Variants in LRRC4C observed in about 807,000 individuals in gnomAD.
LRRC4C encodes leucine rich repeat containing 4C.
LRRC4C carries 5 observed loss-of-function variants against 33.6 expected under a neutral mutation model. The ratio of observed to expected loss-of-function variants is 0.15; its 90% CI spans 0.08 to 0.31. The LOEUF is 0.31. LRRC4C is among the 10% of genes least tolerant of loss of function. LRRC4C has a pLI of 1.00. For missense variants in LRRC4C, 560 were observed against 796.7 expected, an observed-to-expected ratio of 0.70 and a Z score of 3.58; for synonymous variants, 329 against 302.0, an observed-to-expected ratio of 1.09 and a Z score of -0.93.
chr11:40,563,486 G>A (rs1957634681), intron 3 of LRRC4C, among the ~76,000 whole-genome samples: 1 of 152,118 alleles, frequency 6.6e-6, no homozygotes, highest in African/African-American at 2.4e-5. Context: ...CTAGGCAGAG[G>A]GATAATGAGA....
intron 3 of LRRC4C, among the ~76,000 whole-genome samples, chr11:40,563,466 C>T (rs183825165): frequency 9.9e-5 from 15 of 152,188 alleles, no homozygotes; most frequent in Admixed American, 9.2e-4. Context: ...ATGATTAAAT[C>T]GTATTGACAC....
chr11:40,981,086 T>G (rs980538693), intron 1 of LRRC4C, among the ~76,000 whole-genome samples: 2 of 152,144 alleles, frequency 1.3e-5, no homozygotes, highest in Non-Finnish European at 2.9e-5. Context: ...GTATGGGGGC[T>G]GGGATTCAAA....
chr11:40,736,134 G>A (rs1220656949), intron 2 of LRRC4C, among the ~76,000 whole-genome samples: 1 of 151,946 alleles, frequency 6.6e-6, no homozygotes, highest in Non-Finnish European at 1.5e-5. Context: ...ATTTACATTA[G>A]GTATTTCTCC....
At chr11:40,782,752 T>G (rs1227317569) in intron 2 of LRRC4C, among the ~76,000 whole-genome samples, 2 of 152,202 alleles carry the variant, frequency 1.3e-5, no homozygotes, top group East Asian at 3.8e-4. Context: ...CATGAGATAT[T>G]ACTCAAAATA....
intron 1 of LRRC4C, among the ~76,000 whole-genome samples, chr11:40,990,830 C>A (rs191345189): frequency 3.6e-4 from 54 of 151,986 alleles, no homozygotes; most frequent in African/African-American, 1.3e-3. Flanking sequence ...TAAAGTTTGA[C>A]CTTTGAATAT....
intron 1 of LRRC4C, among the ~76,000 whole-genome samples, chr11:41,369,747 T>C (rs909048159): frequency 1.3e-5 from 2 of 150,594 alleles, no homozygotes; most frequent in African/African-American, 2.5e-5. Flanking sequence ...ATAAGGAACT[T>C]AGATTTCATT....
intron 3 of LRRC4C, among the ~76,000 whole-genome samples, chr11:40,485,157 C>T (rs1028853333): frequency 6.6e-6 from 1 of 151,878 alleles, no homozygotes; most frequent in Non-Finnish European, 1.5e-5. Flanking sequence ...CTTAAAGAAG[C>T]ATTTACTGGC....
chr11:40,879,014 C>T (rs1236545048), intron 2 of LRRC4C, among the ~76,000 whole-genome samples: 1 of 152,100 alleles, frequency 6.6e-6, no homozygotes, highest in Non-Finnish European at 1.5e-5. Flanking sequence ...AGTGCCACGA[C>T]TATAAGTAAT....
At chr11:41,370,382 A>G (rs574393929) in intron 1 of LRRC4C, among the ~76,000 whole-genome samples, 20 of 152,178 alleles carry the variant, frequency 1.3e-4, no homozygotes, top group African/African-American at 4.6e-4. Context: ...CCCAAACCTC[A>G]TCTTGAATTG....
intron 3 of LRRC4C, among the ~76,000 whole-genome samples, chr11:40,584,272 C>G (rs1958610754): frequency 1.4e-5 from 2 of 145,952 alleles, no homozygotes; most frequent in South Asian, 4.4e-4. Flanking sequence ...GCTTCCATGT[C>G]TATGACCTCT....
At chr11:40,158,306 G>C (rs1396495632) in intron 5 of LRRC4C, among the ~76,000 whole-genome samples, 2 of 151,964 alleles carry the variant, frequency 1.3e-5, no homozygotes, top group African/African-American at 2.4e-5. Context: ...CTACAAATAT[G>C]GTGCAGTGTA....
chr11:40,879,900 T>G (rs1457258693), intron 2 of LRRC4C, among the ~76,000 whole-genome samples: 2 of 152,184 alleles, frequency 1.3e-5, no homozygotes, highest in African/African-American at 2.4e-5. Flanking sequence ...CAAGTTCTTA[T>G]GATGTGGCAT....
intron 1 of LRRC4C, among the ~76,000 whole-genome samples, chr11:40,995,888 G>A (rs1312077543): frequency 1.3e-5 from 2 of 152,064 alleles, no homozygotes; most frequent in Admixed American, 6.6e-5. Flanking sequence ...TCCCTGCTAT[G>A]ATTTGTACAA....
intron 3 of LRRC4C, among the ~76,000 whole-genome samples, chr11:40,381,408 A>T (rs1431105072): frequency 6.6e-6 from 1 of 152,164 alleles, no homozygotes; most frequent in Non-Finnish European, 1.5e-5. Flanking sequence ...TGACATTAGT[A>T]TATTTAAAAT....
chr11:41,409,513 A>C (rs1378086804), intron 1 of LRRC4C, among the ~76,000 whole-genome samples: 6 of 152,180 alleles, frequency 3.9e-5, no homozygotes, highest in Admixed American at 3.9e-4. Context: ...CATTATGAGA[A>C]TTTACTATTG....
chr11:40,866,490 T>C (rs983306324), intron 2 of LRRC4C, among the ~76,000 whole-genome samples: 1 of 152,028 alleles, frequency 6.6e-6, no homozygotes, highest in African/African-American at 2.4e-5. Context: ...TGACTAGACA[T>C]GTGGTTGGGG....
intron 2 of LRRC4C, among the ~76,000 whole-genome samples, chr11:40,667,810 C>G (rs1016071081): frequency 2.6e-5 from 4 of 152,168 alleles, no homozygotes; most frequent in African/African-American, 7.2e-5. Flanking sequence ...GCAGCCTGGC[C>G]AACCCCTTGC....
At chr11:40,912,639 T>C (rs1956754401) in intron 2 of LRRC4C, among the ~76,000 whole-genome samples, 2 of 152,254 alleles carry the variant, frequency 1.3e-5, no homozygotes, top group East Asian at 1.9e-4. Flanking sequence ...CTGCATCAAC[T>C]AACGAGCAAA....
intron 5 of LRRC4C, among the ~76,000 whole-genome samples, chr11:40,149,098 A>T (rs1302059114): frequency 6.6e-6 from 1 of 152,138 alleles, no homozygotes; most frequent in Non-Finnish European, 1.5e-5. Context: ...TATAGTTTGA[A>T]GTTGGGTAGT....
Sources: allele counts gnomAD v4.1 joint callset (sites outside exome capture counted in the v4.1 genomes callset), GRCh38; gene constraint gnomAD v4.1.1; transcripts MANE v1.5; gene names NCBI Gene and HGNC (gene_info 2026-07-23, HGNC 2026-07-21).